ZEB1: variants seen among roughly 807,000 people sequenced by gnomAD.
The protein encoded by ZEB1 is zinc finger E-box binding homeobox 1.
A neutral mutation model predicts 84.9 loss-of-function variants in ZEB1; 21 were observed. That is an observed-to-expected ratio of 0.25 (90% CI 0.18 to 0.36). The LOEUF (loss-of-function observed/expected upper bound fraction) is 0.36, where lower values mean the gene tolerates loss of function less well. Among genes scored for constraint, ZEB1 ranks in the 10% least tolerant of loss-of-function variants. ZEB1 has a pLI of 1.00. For synonymous variants in ZEB1, 420 were observed against 471.1 expected (o/e 0.89, Z 1.41); for missense variants, 1,104 against 1,330.2 (o/e 0.83, Z 2.65).
intron 2 of ZEB1, among the ~76,000 whole-genome samples, chr10:31,465,525 G>T (rs1413851082): frequency 6.6e-6 from 1 of 151,756 alleles, no homozygotes; most frequent in Non-Finnish European, 1.5e-5. Context: ...AAACTTTTCA[G>T]AAAACAATAA....
intron 1 of ZEB1, among the ~76,000 whole-genome samples, chr10:31,336,603 G>C (rs150112516): frequency 6.6e-6 from 1 of 151,988 alleles, no homozygotes; most frequent in East Asian, 1.9e-4. Context: ...GCCTAATCCC[G>C]TATTTAGCAC....
intron 1 of ZEB1, among the ~76,000 whole-genome samples, chr10:31,444,122 G>A (rs1352723064): frequency 1.3e-5 from 2 of 151,112 alleles, no homozygotes; most frequent in African/African-American, 2.4e-5. Context: ...GTGTGAGATG[G>A]TATCTCATAG....
intron 2 of ZEB1, among the ~76,000 whole-genome samples, chr10:31,466,230 A>G (rs555831852): frequency 6.6e-6 from 1 of 152,334 alleles, no homozygotes; most frequent in South Asian, 2.1e-4. Flanking sequence ...GAAAATCAAT[A>G]AAGAAACAGT....
At chr10:31,518,618 C>T (rs182446424) in intron 6 of ZEB1, among the ~76,000 whole-genome samples, 3 of 152,202 alleles carry the variant, frequency 2.0e-5, no homozygotes, top group South Asian at 2.1e-4. Flanking sequence ...TGCATTTGCA[C>T]ATTGAAAAAC....
chr10:31,509,989 C>A (rs1221883983), intron 4 of ZEB1, among the ~76,000 whole-genome samples: 1 of 152,010 alleles, frequency 6.6e-6, no homozygotes, highest in Admixed American at 6.6e-5. Flanking sequence ...AGCAGATTTG[C>A]CAGTGTATTT....
At chr10:31,504,572 C>T (rs1481695906) in intron 4 of ZEB1, among the ~76,000 whole-genome samples, 1 of 152,052 alleles carries the variant, frequency 6.6e-6, no homozygotes, top group Non-Finnish European at 1.5e-5. Context: ...GATGTTAATT[C>T]TTCTGATCCA....
At chr10:31,427,589 A>T (rs1349049883) in intron 1 of ZEB1, among the ~76,000 whole-genome samples, 1 of 152,044 alleles carries the variant, frequency 6.6e-6, no homozygotes, top group Non-Finnish European at 1.5e-5. Context: ...GCGGTGGCTC[A>T]ACGCCTGTAA....
At position 31,461,822 on chromosome 10, in the gene ZEB1, G is replaced by A. The variant is rs1268456039; in HGVS notation, c.259+585G>A. Among the ~76,000 whole-genome samples the A allele has an allele frequency of 2.0e-5, 3 of 152,066 alleles. No homozygotes were observed. In the East Asian group the frequency reaches 5.8e-4, roughly 29 times the overall value. ...GAAAGTTTAATCTTCTTCCTCATCT[G>A]TCAAATGGAGAAATTGGACCTAGTC... On this transcript the variant is annotated intron_variant, in intron 2 of 8. Coordinates refer to ENST00000424869, the MANE Select transcript of ZEB1 (RefSeq NM_001174096.2).
At chr10:31,439,409 T>G (rs1379493919) in intron 1 of ZEB1, among the ~76,000 whole-genome samples, 1 of 152,194 alleles carries the variant, frequency 6.6e-6, no homozygotes, top group African/African-American at 2.4e-5. Flanking sequence ...TAACACAGCA[T>G]ATAAGAGTGT....
At chr10:31,323,386 A>G (rs1298212676) in intron 1 of ZEB1, among the ~76,000 whole-genome samples, 1 of 152,094 alleles carries the variant, frequency 6.6e-6, no homozygotes, top group Non-Finnish European at 1.5e-5. Flanking sequence ...TTATTTTTAT[A>G]TAACTTATGT....
At chr10:31,453,973 C>T (rs538844506) in intron 1 of ZEB1, among the ~76,000 whole-genome samples, 1 of 152,252 alleles carries the variant, frequency 6.6e-6, no homozygotes, top group African/African-American at 2.4e-5. Context: ...AAATTTCAGG[C>T]CAGTATCCCT....
chr10:31,526,674 A>G lies in ZEB1; in HGVS notation c.2788A>G (p.Lys930Glu), dbSNP rs1409287175. The change falls in exon 9 of 9, where the codon AAA (lysine) becomes GAA (glutamate). Residue 930 changes from lysine to glutamate, a missense_variant and splice_region_variant. Coordinates refer to ENST00000424869, the MANE Select transcript of ZEB1 (RefSeq NM_001174096.2). ...TTAACAGAATTCTTATTTTGCAGGT[A>G]AAAGACCTCATGAGTGTGGAATCTG... ...LLRHKYEHTG[K>E]RPHECGICKK... 9 of 1,613,652 alleles carry G rather than the reference A, an allele frequency of 5.6e-6. No individual in the cohort carries two copies. Among genetic ancestry groups the G allele is most frequent in the Non-Finnish European group, 7.6e-6 (9 of 1,179,988 alleles).
At chr10:31,358,940 T>C (rs2042550687) in intron 1 of ZEB1, among the ~76,000 whole-genome samples, 2 of 152,226 alleles carry the variant, frequency 1.3e-5, no homozygotes, top group African/African-American at 4.8e-5. Flanking sequence ...CTTTTTATTA[T>C]TTGTTTCTCT....
Position 31,321,490 on chromosome 10 carries a change from A to G in ZEB1, c.58+2198A>G, listed in dbSNP as rs780858621. 1.5e-5 allele frequency: 24 copies of G among 1,614,016 alleles called. 1 individual carries two copies. In the South Asian group the frequency reaches 2.1e-4, roughly 14 times the overall value. ...TTTAGCGTCAAATAGTGTGTGTTCC[A>G]TATTGAGCTGTTGCCGCTGTTGCTG... On this transcript the variant is annotated intron_variant, in intron 1 of 8. Transcript: ENST00000424869.
intron 1 of ZEB1, chr10:31,387,892 G>A (rs777229394): frequency 2.0e-5 from 7 of 346,534 alleles, no homozygotes; most frequent in Non-Finnish European, 2.8e-5. Context: ...TTTCTTTTTC[G>A]TCTTACAACT....
At chr10:31,386,815 T>C (rs1010135014) in intron 1 of ZEB1, among the ~76,000 whole-genome samples, 2 of 152,192 alleles carry the variant, frequency 1.3e-5, no homozygotes, top group African/African-American at 4.8e-5. Flanking sequence ...ATATATATTT[T>C]AAAATGGAAT....
chr10:31,396,808 T>C (rs140640799), intron 1 of ZEB1, among the ~76,000 whole-genome samples: 1,926 of 152,268 alleles, frequency 0.013, 26 homozygotes, highest in Non-Finnish European at 0.016. Flanking sequence ...ATGAAGTTAG[T>C]GTGCTTTTAA....
intron 3 of ZEB1, among the ~76,000 whole-genome samples, chr10:31,499,981 A>G (rs1004253893): frequency 6.6e-6 from 1 of 152,104 alleles, no homozygotes; most frequent in Non-Finnish European, 1.5e-5. Context: ...CATATATAAA[A>G]TACAGATCAT....
In ZEB1 at chr10:31,497,490, G is replaced by A. The variant is rs529798029; in HGVS notation, c.322+1652G>A. Among the ~76,000 whole-genome samples, 211 of 152,166 alleles carry A rather than the reference G, an allele frequency of 1.4e-3. 1 individual carries two copies. The highest frequency in any genetic ancestry group is 4.8e-3 in the African/African-American group (201 of 41,536). On this transcript the variant is annotated intron_variant, in intron 3 of 8. Transcript: ENST00000424869. ...AATGATGATCCCTGCTGCATTATTC[G>A]CCTGGAACATGGGGAGTTAGGAGTA...
Sources: allele counts gnomAD v4.1 joint callset (sites outside exome capture counted in the v4.1 genomes callset), GRCh38; gene constraint gnomAD v4.1.1; transcripts MANE v1.5; gene names NCBI Gene and HGNC (gene_info 2026-07-23, HGNC 2026-07-21).